ATRNL1: variants seen among roughly 807,000 people sequenced by gnomAD.
ATRNL1 encodes the protein attractin-like protein 1.
ATRNL1 carries 95 observed loss-of-function variants against 182.7 expected under a neutral mutation model. The ratio of observed to expected loss-of-function variants is 0.52; its 90% confidence interval spans 0.44 to 0.62. The LOEUF (loss-of-function observed/expected upper bound fraction) is 0.62. Among genes scored for constraint, ATRNL1 ranks in the 20% least tolerant of loss-of-function variants. The pLI is 0.00. For synonymous variants in ATRNL1, 576 were observed against 568.3 expected (o/e 1.01, Z -0.19); for missense variants, 1,471 against 1,679.5 (o/e 0.88, Z 2.17).
In ATRNL1 at chr10:115,504,299, T is replaced by C. The variant is rs1221121339; in HGVS notation, c.3655-14964T>C. On this transcript the variant is annotated intron_variant, in intron 24 of 28. Transcript: ENST00000355044. Reference sequence around the variant, plus strand: ...CTGACTTCATCTTGATTCTTGTTCATTCCTCGGTATTGGCTGAACAAACTA... The same window carrying C: ...CTGACTTCATCTTGATTCTTGTTCACTCCTCGGTATTGGCTGAACAAACTA... Among the ~76,000 whole-genome samples, 11 of 152,072 alleles carry C rather than the reference T, an allele frequency of 7.2e-5. No homozygotes were observed. The East Asian group carries it at 1.9e-3, about 27-fold the overall frequency.
chr10:115,764,697 G>A (rs1319063070), intron 27 of ATRNL1, among the ~76,000 whole-genome samples: 2 of 151,882 alleles, frequency 1.3e-5, no homozygotes, highest in Non-Finnish European at 2.9e-5. Context: ...TGTTGAGATG[G>A]AGTCTCACTC....
At chr10:115,120,066 T>C (rs1353248483) in intron 1 of ATRNL1, 119 bp from the exon 2 acceptor site, 5 of 597,268 alleles carry the variant, frequency 8.4e-6, no homozygotes, top group African/African-American at 7.9e-5. Flanking sequence ...AAATCCTCCT[T>C]TTTGAAAATT....
rs911797795 is a variant in ATRNL1, at chr10:115,947,515, C to T, written c.*2736C>T. 3 of 152,560 alleles carry T rather than the reference C, an allele frequency of 2.0e-5. No homozygotes were observed. The highest frequency in any genetic ancestry group is 4.4e-5 in the Non-Finnish European group (3 of 68,038). 9.5% of individuals were successfully genotyped at this position (152,560 alleles called of 1,614,324 possible). On this transcript the variant is annotated 3_prime_UTR_variant, in exon 29 of 29. Coordinates refer to ENST00000355044, the MANE Select transcript of ATRNL1 (RefSeq NM_207303.4). ...AATTCCTATTGGAAAAGAATTTGCA[C>T]ATACTTACAGATTCAGCTAATAAAT...
In ATRNL1 at chr10:115,698,342, C is replaced by T. The variant is rs141331721; in HGVS notation, c.3796-28906C>T. On this transcript the variant is annotated intron_variant, in intron 26 of 28. Transcript: ENST00000355044. ...TTTGTGAATTTTGCTAAATCTGATG[C>T]CCTTGAACCAGAATACATGGAGAAT... 4.1e-4 allele frequency among the ~76,000 whole-genome samples: 63 copies of T among 152,148 alleles called. No homozygotes were observed. The East Asian group carries it at 0.01, about 24-fold the overall frequency.
intron 15 of ATRNL1, among the ~76,000 whole-genome samples, chr10:115,290,331 C>G (rs558776844): frequency 3.3e-5 from 5 of 152,012 alleles, no homozygotes; most frequent in Non-Finnish European, 7.4e-5. Flanking sequence ...CCAAGGAAAT[C>G]AAGGACACAG....
rs186167667 is a variant in ATRNL1, at chr10:115,323,705, A to G, written c.3037+7969A>G. Among the ~76,000 whole-genome samples, 265 of 151,936 alleles carry G rather than the reference A, an allele frequency of 1.7e-3. 7 individuals carry two copies. The East Asian group carries it at 0.048, about 28-fold the overall frequency. On this transcript the variant is annotated intron_variant, in intron 18 of 28. Coordinates refer to ENST00000355044, the MANE Select transcript of ATRNL1 (RefSeq NM_207303.4). ...GTGATCTGCCCACCTTGGCCTCCCA[A>G]AGTGCTGGGATTACAGGCATGAGCC...
intron 5 of ATRNL1, among the ~76,000 whole-genome samples, chr10:115,138,213 G>C (rs1845604340): frequency 6.6e-6 from 1 of 152,214 alleles, no homozygotes; most frequent in African/African-American, 2.4e-5. Context: ...GCTTTCAGGG[G>C]CTGGCATTGA....
intron 26 of ATRNL1, among the ~76,000 whole-genome samples, chr10:115,654,058 A>T (rs1381216577): frequency 1.3e-5 from 2 of 152,190 alleles, no homozygotes; most frequent in Admixed American, 1.3e-4. Flanking sequence ...TATCCTCAGA[A>T]CTAAATACAA....
intron 19 of ATRNL1, among the ~76,000 whole-genome samples, chr10:115,365,634 T>C (rs1231994749): frequency 6.6e-6 from 1 of 151,674 alleles, no homozygotes; most frequent in African/African-American, 2.4e-5. Context: ...TTTGGATCTT[T>C]CCTGCTTTCT....
chr10:115,642,666 AACTCCTG>A (rs1222002564), intron 26 of ATRNL1, among the ~76,000 whole-genome samples: 1 of 152,140 alleles, frequency 6.6e-6, no homozygotes, highest in Non-Finnish European at 1.5e-5. Context: ...GCTTGTCTCG[AACTCCTG>A]ACCTCAGGTG....
chr10:115,786,103 C>G (rs894021937), intron 27 of ATRNL1, among the ~76,000 whole-genome samples: 9 of 152,106 alleles, frequency 5.9e-5, no homozygotes, highest in African/African-American at 1.2e-4. Flanking sequence ...CTTTTTGAAC[C>G]CTCACCAAAA....
intron 27 of ATRNL1, among the ~76,000 whole-genome samples, chr10:115,728,051 A>G (rs2901060): frequency 0.48 from 70,509 of 146,708 alleles, 19,104 homozygotes; most frequent in East Asian, 0.7. Context: ...CAAGGTGGGC[A>G]GATCACGAGG....
chr10:115,218,068 G>C (rs1362705280), intron 9 of ATRNL1, among the ~76,000 whole-genome samples: 1 of 151,806 alleles, frequency 6.6e-6, no homozygotes, highest in African/African-American at 2.4e-5. Context: ...TATTTATTGT[G>C]CACTTTATTT....
chr10:115,452,640 T>TCC (rs1554967890), intron 21 of ATRNL1, among the ~76,000 whole-genome samples: 3 of 152,116 alleles, frequency 2.0e-5, no homozygotes, highest in Admixed American at 1.3e-4. Flanking sequence ...ATCAGCACAA[T>TCC]CAAGACTATA....
At chr10:115,523,565 A>T (rs552073807) in intron 25 of ATRNL1, among the ~76,000 whole-genome samples, 1 of 152,356 alleles carries the variant, frequency 6.6e-6, no homozygotes, top group African/African-American at 2.4e-5. Context: ...ATAAGCTGTT[A>T]AAAGCAGCCA....
chr10:115,779,159 A>G (rs1218796877), intron 27 of ATRNL1, among the ~76,000 whole-genome samples: 2 of 152,196 alleles, frequency 1.3e-5, no homozygotes, highest in African/African-American at 4.8e-5. Flanking sequence ...AGCTTCAGAA[A>G]TTCAAGCTTA....
intron 28 of ATRNL1, among the ~76,000 whole-genome samples, chr10:115,916,420 C>T (rs1359858446): frequency 5.3e-5 from 8 of 152,184 alleles, no homozygotes; most frequent in Admixed American, 2.0e-4. Context: ...GAAATAGTCT[C>T]GGTCTATTGG....
chr10:115,099,079 C>T (rs1383300076), intron 1 of ATRNL1, among the ~76,000 whole-genome samples: 2 of 152,118 alleles, frequency 1.3e-5, no homozygotes, highest in African/African-American at 4.8e-5. Context: ...CCTTTGTAAA[C>T]CCTCCCTTTT....
intron 26 of ATRNL1, among the ~76,000 whole-genome samples, chr10:115,668,833 G>A (rs1945597319): frequency 6.6e-6 from 1 of 151,990 alleles, no homozygotes; most frequent in South Asian, 2.1e-4. Context: ...ATAAATTAAT[G>A]AGCTTGTTTT....
Sources: gnomAD v4.1 joint callset for allele counts (sites outside exome capture counted in the v4.1 genomes callset) on GRCh38, gnomAD v4.1.1 for gene constraint, MANE v1.5 for transcripts, NCBI Gene and HGNC (gene_info 2026-07-23, HGNC 2026-07-21) for gene names.